GRAMD4: variants seen among roughly 807,000 people sequenced by gnomAD.
GRAMD4 encodes the protein GRAM domain containing 4, also known as GRAM domain-containing protein 4.
Under a neutral mutation model 83.9 loss-of-function variants are expected in GRAMD4, and 25 were observed. The ratio of observed to expected loss-of-function variants is 0.30; its 90% CI spans 0.22 to 0.42. The LOEUF is 0.42. GRAMD4 is among the 10% of genes least tolerant of loss of function. The pLI is 1.00. For missense variants in GRAMD4, 593 were observed against 788.7 expected (o/e 0.75, Z 2.97); for synonymous variants, 336 against 320.9 (o/e 1.05, Z -0.50).
In GRAMD4 at chr22:46,678,926, G is replaced by A. The variant is rs547227464; in HGVS notation, c.*1675G>A. ...GGCTCTGGACTGCGCGGACGTTGGC[G>A]TCAGGATGACCACACGGCGGCCTTT... On this transcript the variant is annotated 3_prime_UTR_variant, in exon 19 of 19. Transcript: ENST00000406902. The A allele has an allele frequency of 1.4e-5, 14 of 985,886 alleles. No individual in the cohort carries two copies. The highest frequency in any genetic ancestry group is 5.2e-4 in the Middle Eastern group (1 of 1,916). 61.1% of individuals were successfully genotyped at this position (985,886 alleles called of 1,614,324 possible).
chr22:46,592,726 G>A (rs186545201), intron 1 of GRAMD4, among the ~76,000 whole-genome samples: 4 of 152,234 alleles, frequency 2.6e-5, no homozygotes, highest in African/African-American at 9.6e-5. Context: ...CCCCAGTGTC[G>A]GCTGATTTGT....
intron 16 of GRAMD4, 58 bp from the exon 17 acceptor site, chr22:46,675,409 TG>T (rs1197924380): frequency 8.5e-7 from 1 of 1,178,688 alleles, no homozygotes; most frequent in African/African-American, 1.5e-5. Flanking sequence ...GACCCCCACC[TG>T]GTGGGAGCGT....
chr22:46,648,767 C>CATGG (rs1220197647), intron 3 of GRAMD4, among the ~76,000 whole-genome samples: 503 of 24,726 alleles, frequency 0.02, 29 homozygotes, highest in Admixed American at 0.042. Context: ...TGGATGGATG[C>CATGG]ATGGATGGAT....
intron 2 of GRAMD4, among the ~76,000 whole-genome samples, chr22:46,628,354 C>T (rs929354248): frequency 2.0e-5 from 3 of 152,100 alleles, no homozygotes; most frequent in Non-Finnish European, 4.4e-5. Flanking sequence ...CCTCTGTGGC[C>T]GGGCCAAGCA....
intron 3 of GRAMD4, among the ~76,000 whole-genome samples, chr22:46,648,941 T>C (rs1480586880): frequency 1.0e-5 from 1 of 96,206 alleles, no homozygotes; most frequent in Non-Finnish European, 2.3e-5. Context: ...GATGCATGGA[T>C]GGATGGATGG....
At chr22:46,598,289 G>A (rs981031394) in intron 1 of GRAMD4, among the ~76,000 whole-genome samples, 2 of 152,058 alleles carry the variant, frequency 1.3e-5, no homozygotes, top group East Asian at 3.9e-4. Context: ...GCTGGGTGGC[G>A]TTTTTTTGGT....
chr22:46,656,354 G>A (rs1275537933), intron 3 of GRAMD4, among the ~76,000 whole-genome samples: 1 of 152,264 alleles, frequency 6.6e-6, no homozygotes, highest in Non-Finnish European at 1.5e-5. Flanking sequence ...CCGTGAGCCT[G>A]TGGCTGCCGG....
chr22:46,604,517 A>G (rs550432766), intron 1 of GRAMD4, among the ~76,000 whole-genome samples: 2 of 152,072 alleles, frequency 1.3e-5, no homozygotes, highest in Non-Finnish European at 2.9e-5. Flanking sequence ...GATCTTCCCC[A>G]ACCGAAACTC....
chr22:46,676,055 C>T (rs770482975), intron 17 of GRAMD4, among the ~76,000 whole-genome samples: 1 of 152,262 alleles, frequency 6.6e-6, no homozygotes, highest in Non-Finnish European at 1.5e-5. Context: ...GGCAGGCACA[C>T]TTGGCCCGAG....
At chr22:46,626,471 C>T (rs1360632439) in intron 1 of GRAMD4, among the ~76,000 whole-genome samples, 1 of 152,200 alleles carries the variant, frequency 6.6e-6, no homozygotes, top group Non-Finnish European at 1.5e-5. Flanking sequence ...CAGCACTGAC[C>T]AGGCTGGCCT....
chr22:46,591,015 G>A (rs913157324), intron 1 of GRAMD4, among the ~76,000 whole-genome samples: 2 of 151,920 alleles, frequency 1.3e-5, no homozygotes, highest in African/African-American at 2.4e-5. Context: ...AGCCAAGATC[G>A]TGCCACCGGA....
chr22:46,625,329 A>G (rs9615396), intron 1 of GRAMD4, among the ~76,000 whole-genome samples: 32,935 of 152,164 alleles, frequency 0.22, 4,358 homozygotes, highest in East Asian at 0.38. Flanking sequence ...TCTTGCCACG[A>G]ACTGTGATGC....
intron 1 of GRAMD4, among the ~76,000 whole-genome samples, chr22:46,613,513 A>G (rs765430672): frequency 3.0e-4 from 45 of 152,318 alleles, no homozygotes; most frequent in Non-Finnish European, 5.4e-4. Context: ...TCGCTGTGGT[A>G]TGTGGTGGTT....
intron 1 of GRAMD4, among the ~76,000 whole-genome samples, chr22:46,599,215 G>A (rs1398302648): frequency 6.6e-6 from 1 of 152,210 alleles, no homozygotes; most frequent in African/African-American, 2.4e-5. Flanking sequence ...CGCAGACAGG[G>A]CCTGTGTGTG....
intron 1 of GRAMD4, among the ~76,000 whole-genome samples, chr22:46,594,898 T>C (rs546590025): frequency 6.6e-6 from 1 of 152,198 alleles, no homozygotes; most frequent in African/African-American, 2.4e-5. Flanking sequence ...TAAGTTTTGC[T>C]GTCTGTGGTT....
chr22:46,659,603 C>T lies in GRAMD4; in HGVS notation c.404+1296C>T, dbSNP rs2082298252. Among the ~76,000 whole-genome samples the T allele has an allele frequency of 6.6e-6, 1 of 152,250 alleles. No homozygotes were observed. The highest frequency in any genetic ancestry group is 6.5e-5 in the Admixed American group (1 of 15,290). ...GCCCTGAGGAAGCGGCTCCCTTCAGCACCCTCAGGTTTAGTGTGTGGGAAG... is the reference window on the plus strand; with the variant it reads ...GCCCTGAGGAAGCGGCTCCCTTCAGTACCCTCAGGTTTAGTGTGTGGGAAG... On this transcript the variant is annotated intron_variant, in intron 4 of 18. Coordinates refer to ENST00000406902, the MANE Select transcript of GRAMD4 (RefSeq NM_015124.5). The surrounding 1 kb of genome is among the most constrained non-coding windows in gnomAD (Gnocchi z 4.1).
At position 46,678,640 on chromosome 22, in the gene GRAMD4, T is replaced by C; in HGVS notation, c.*1389T>C. 1.0e-6 allele frequency: 1 copy of C among 985,576 alleles called. No homozygotes were observed. Among genetic ancestry groups the C allele is most frequent in the Non-Finnish European group, 1.2e-6 (1 of 829,918 alleles). The allele number at this position is 985,576 out of a possible 1,614,324, so 61.1% of individuals were successfully genotyped here. The stretch of plus-strand genomic sequence containing the variant: ...GGGTGTCGTTGAGATTGTTGTTTTT[T>C]GAAGAAACAGAAGATTCTATTTTTT... On this transcript the variant is annotated 3_prime_UTR_variant, in exon 19 of 19. Coordinates refer to ENST00000406902, the MANE Select transcript of GRAMD4 (RefSeq NM_015124.5).
chr22:46,629,690 A>G (rs1354088585), intron 2 of GRAMD4, among the ~76,000 whole-genome samples: 1 of 152,224 alleles, frequency 6.6e-6, no homozygotes. Context: ...TCACCCACTA[A>G]AAGTGTGCGA....
intron 1 of GRAMD4, among the ~76,000 whole-genome samples, chr22:46,595,795 A>G (rs946208709): frequency 6.6e-6 from 1 of 152,172 alleles, no homozygotes; most frequent in African/African-American, 2.4e-5. Context: ...GCAGGTGAGC[A>G]CCCCATCTGA....
Sources: gnomAD v4.1 joint callset for allele counts (sites outside exome capture counted in the v4.1 genomes callset) on GRCh38, gnomAD v4.1.1 for gene constraint, Gnocchi (gnomAD v3.1) non-coding constraint, MANE v1.5 for transcripts, NCBI Gene and HGNC (gene_info 2026-07-23, HGNC 2026-07-21) for gene names.